The following YTHDC1 variants were observed in gnomAD, a reference collection of about 807,000 sequenced individuals.
YTHDC1 encodes YTH N6-methyladenosine RNA binding protein C1, also known as YTH domain-containing protein 1.
YTHDC1 carries 12 observed loss-of-function variants against 107.0 expected under a neutral mutation model. The ratio of observed to expected loss-of-function variants is 0.11; its 90% confidence interval spans 0.07 to 0.18. YTHDC1 has a LOEUF of 0.18. YTHDC1 is among the 10% of genes least tolerant of loss of function. The probability of loss-of-function intolerance (pLI) is 1.00; values close to 1 mark genes in which losing one functional copy is unlikely to be tolerated. For synonymous variants in YTHDC1, 280 were observed against 289.5 expected (o/e 0.97, Z 0.33); for missense variants, 635 against 898.8 (o/e 0.71, Z 3.75).
rs138489963 is a variant in YTHDC1, at chr4:68,324,708, T to C, written c.1350-485A>G. Among the ~76,000 whole-genome samples the C allele has an allele frequency of 1.3e-3, 198 of 152,320 alleles. 3 individuals carry two copies. The East Asian group carries it at 0.027, about 21-fold the overall frequency. ...ATTCTCATTTGGAGGGTGCTTTCCC[T>C]GTTCAAGTGTACTTCCTCATTCAAT... On this transcript the variant is annotated intron_variant, in intron 9 of 16. Coordinates refer to ENST00000344157, the MANE Select transcript of YTHDC1 (RefSeq NM_001031732.4).
At chr4:68,342,964 A>G (rs1403067028) in intron 1 of YTHDC1, among the ~76,000 whole-genome samples, 1 of 152,178 alleles carries the variant, frequency 6.6e-6, no homozygotes, top group African/African-American at 2.4e-5. Context: ...CATTATTGAT[A>G]TTCTATATAG....
intron 1 of YTHDC1, among the ~76,000 whole-genome samples, chr4:68,341,918 T>C (rs942905695): frequency 6.6e-6 from 1 of 152,204 alleles, no homozygotes; most frequent in Admixed American, 6.5e-5. Context: ...GAATCTTCTA[T>C]GAGTTTTTCA....
intron 4 of YTHDC1, among the ~76,000 whole-genome samples, chr4:68,335,489 T>C (rs1724054808): frequency 6.6e-6 from 1 of 152,136 alleles, no homozygotes; most frequent in Non-Finnish European, 1.5e-5. Context: ...AAACAAAGTG[T>C]GTCAATCAAG....
chr4:68,335,244 C>G (rs577040468), intron 4 of YTHDC1, among the ~76,000 whole-genome samples: 7 of 151,246 alleles, frequency 4.6e-5, no homozygotes, highest in Non-Finnish European at 1.0e-4. Context: ...GTCTCTTAAT[C>G]AAGAAGTTCC....
intron 5 of YTHDC1, 139 bp from the exon 6 acceptor site, chr4:68,332,986 T>TCAA (rs1184196213): frequency 2.5e-5 from 18 of 714,196 alleles, no homozygotes; most frequent in South Asian, 1.2e-4. Context: ...AAAAAACTTC[T>TCAA]CAATGTGTAC....
At chr4:68,323,204 C>A (rs1722622531) in intron 10 of YTHDC1, among the ~76,000 whole-genome samples, 1 of 151,588 alleles carries the variant, frequency 6.6e-6, no homozygotes, top group Non-Finnish European at 1.5e-5. Context: ...TTTCTTTGTG[C>A]AAAATAGAAA....
intron 1 of YTHDC1, among the ~76,000 whole-genome samples, chr4:68,340,946 C>T (rs756227227): frequency 1.3e-5 from 2 of 152,020 alleles, no homozygotes; most frequent in Non-Finnish European, 2.9e-5. Context: ...AAAGTTTTAA[C>T]GAATTCAAAT....
At chr4:68,332,677 C>T (rs1336595797) in intron 6 of YTHDC1, 117 bp downstream of exon 6, 2 of 847,424 alleles carry the variant, frequency 2.4e-6, no homozygotes, top group East Asian at 2.6e-5. Context: ...TTATTTTTTG[C>T]TTCATGTAAT....
intron 7 of YTHDC1, 21 bp from the exon 8 acceptor site, chr4:68,330,331 C>T: frequency 6.9e-7 from 1 of 1,442,978 alleles, no homozygotes; most frequent in Non-Finnish European, 9.3e-7. Context: ...AACATAAAGA[C>T]CACAAAGTGA....
rs566310024 is a variant in YTHDC1 at position 68,314,869 on chromosome 4, C to A, written c.1960-546G>T. On this transcript the variant is annotated intron_variant, in intron 16 of 16. Coordinates refer to ENST00000344157, the MANE Select transcript of YTHDC1 (RefSeq NM_001031732.4). ...TGGCTGCTCCTAAACTTGGCCCCTGCTCTAGTTTAAACTTTCTACTCTTAG... is the reference window on the plus strand; with the variant it reads ...TGGCTGCTCCTAAACTTGGCCCCTGATCTAGTTTAAACTTTCTACTCTTAG... Among the ~76,000 whole-genome samples the A allele has an allele frequency of 2.6e-5, 4 of 152,294 alleles. No homozygotes were observed. In the East Asian group the frequency reaches 5.8e-4, roughly 22 times the overall value.
In YTHDC1 at chr4:68,328,407, G is replaced by A. The variant is rs765330758; in HGVS notation, c.1349+1595C>T. Among the ~76,000 whole-genome samples the A allele has an allele frequency of 3.4e-4, 51 of 152,090 alleles. 1 individual carries two copies. Among genetic ancestry groups the A allele is most frequent in the Non-Finnish European group, 2.8e-4 (19 of 67,986 alleles). On this transcript the variant is annotated intron_variant, in intron 9 of 16. Coordinates refer to ENST00000344157, the MANE Select transcript of YTHDC1 (RefSeq NM_001031732.4). ...TTAATTATAACTTAATTATAATTTT[G>A]ATTTCAAAAAAACCAAGTTTATATT...
chr4:68,319,928 T>C (rs1221602579), intron 12 of YTHDC1, among the ~76,000 whole-genome samples, 195 bp downstream of exon 12: 6 of 152,098 alleles, frequency 3.9e-5, no homozygotes, highest in African/African-American at 9.7e-5. Flanking sequence ...TACACTGGAA[T>C]AGACTAGACA....
At chr4:68,334,380 T>G (rs1014321664) in intron 4 of YTHDC1, among the ~76,000 whole-genome samples, 2 of 152,152 alleles carry the variant, frequency 1.3e-5, no homozygotes, top group South Asian at 2.1e-4. Flanking sequence ...TTAATTCTCA[T>G]AACAAGTTCA....
intron 4 of YTHDC1, among the ~76,000 whole-genome samples, chr4:68,336,357 C>T (rs1724161035): frequency 6.6e-6 from 1 of 151,976 alleles, no homozygotes; most frequent in Non-Finnish European, 1.5e-5. Context: ...CTAGTGCCTC[C>T]AACTACGTAA....
At chr4:68,349,610 C>G (rs922007910) in intron 1 of YTHDC1, 116 bp downstream of exon 1, 216 of 1,227,974 alleles carry the variant, frequency 1.8e-4, no homozygotes, top group Non-Finnish European at 1.2e-4. Context: ...CGGCTCCTCG[C>G]GAGGCCAGCT....
chr4:68,338,668 T>C (rs1380004950), intron 1 of YTHDC1, among the ~76,000 whole-genome samples: 2 of 152,186 alleles, frequency 1.3e-5, no homozygotes, highest in Non-Finnish European at 2.9e-5. Context: ...CTGGCCAACA[T>C]GGCAAAACCC....
At chr4:68,348,509 T>G (rs1288004388) in intron 1 of YTHDC1, among the ~76,000 whole-genome samples, 1 of 151,448 alleles carries the variant, frequency 6.6e-6, no homozygotes, top group Non-Finnish European at 1.5e-5. Flanking sequence ...GGGAGATTTT[T>G]TAGCATTTAG....
chr4:68,330,073 T>C lies in YTHDC1; in HGVS notation c.1278A>G (p.Ile426Met), dbSNP rs1429765420. 1 of 1,613,786 alleles carries C rather than the reference T, an allele frequency of 6.2e-7. No homozygotes were observed. Among genetic ancestry groups the C allele is most frequent in the Non-Finnish European group, 8.5e-7 (1 of 1,179,748 alleles). Residue 426 changes from isoleucine to methionine, a missense_variant, in exon 9 of 17, where the codon ATA (isoleucine) becomes ATG (methionine). Transcript: ENST00000344157. ...TCATTCCTGCTGGAAGCACCCAGTG[T>C]ATAGGAGATCCTCCGTGATGTGATT... The part of the protein sequence containing the change: ...SSESHHGGSP[I>M]HWVLPAGMSA...
rs192524704 is a variant in YTHDC1 at position 68,332,296 on chromosome 4, A to C, written c.1028-99T>G. 1.3e-4 allele frequency: 81 copies of C among 645,586 alleles called. No individual in the cohort carries two copies. The African/African-American group carries it at 1.4e-3, about 11-fold the overall frequency. The allele number at this position is 645,586 out of a possible 1,614,324, so 40.0% of individuals were successfully genotyped here. On this transcript the variant is annotated intron_variant, in intron 6 of 16. Transcript: ENST00000344157. Reference sequence around the variant, plus strand: ...GAAATTAGCCCTCCACAACCCAGCTAAACTTTTAAAACGCAACAATCACCC... The same window carrying C: ...GAAATTAGCCCTCCACAACCCAGCTCAACTTTTAAAACGCAACAATCACCC...
Sources: allele counts gnomAD v4.1 joint callset (sites outside exome capture counted in the v4.1 genomes callset), GRCh38; gene constraint gnomAD v4.1.1; transcripts MANE v1.5; gene names NCBI Gene and HGNC (gene_info 2026-07-23, HGNC 2026-07-21).